COG5: variants seen among roughly 807,000 people sequenced by gnomAD.
COG5 encodes conserved oligomeric Golgi complex subunit 5.
In COG5, 86 loss-of-function variants were observed where a neutral mutation model predicts 110.4. The observed-to-expected ratio is 0.78, with a 90% CI of 0.65 to 0.93. The LOEUF (loss-of-function observed/expected upper bound fraction) is 0.93, where lower values mean the gene tolerates loss of function less well. Among genes scored for constraint, COG5 ranks in the 40% least tolerant of loss-of-function variants. The pLI is 0.00. For missense variants in COG5, 1,077 were observed against 987.0 expected, an observed-to-expected ratio of 1.09 and a Z score of -1.22; for synonymous variants, 360 against 334.6, an observed-to-expected ratio of 1.08 and a Z score of -0.83.
In COG5 at chr7:107,409,258, G is replaced by A. The variant is rs531564573; in HGVS notation, c.669+3244C>T. Among the ~76,000 whole-genome samples the A allele has an allele frequency of 4.1e-5, 6 of 147,672 alleles. No individual in the cohort carries two copies. The East Asian group carries it at 1.2e-3, about 29-fold the overall frequency. Reference sequence around the variant, plus strand: ...AAAAAAAAAAAAAAAGAAAACAGGAGAGATTGAGATAAAGAAACGAAGAGA... The same window carrying A: ...AAAAAAAAAAAAAAAGAAAACAGGAAAGATTGAGATAAAGAAACGAAGAGA... On this transcript the variant is annotated intron_variant, in intron 7 of 21. Transcript: ENST00000297135.
chr7:107,352,897 T>C (rs1021522156), intron 10 of COG5, among the ~76,000 whole-genome samples: 6 of 152,210 alleles, frequency 3.9e-5, no homozygotes, highest in African/African-American at 1.4e-4. Flanking sequence ...GGCTTAATCC[T>C]GCAAATAAGA....
intron 6 of COG5, among the ~76,000 whole-genome samples, chr7:107,439,192 C>T (rs1169092137): frequency 1.3e-5 from 2 of 152,176 alleles, no homozygotes; most frequent in Non-Finnish European, 2.9e-5. Context: ...ATGCTCCCTT[C>T]ACTCTCTTAC....
At chr7:107,362,537 A>C (rs1252327410) in intron 8 of COG5, 117 bp from the exon 9 acceptor site, 2 of 699,338 alleles carry the variant, frequency 2.9e-6, no homozygotes, top group African/African-American at 1.8e-5. Flanking sequence ...CTTCTTTAGG[A>C]AATAATTTAT....
intron 10 of COG5, 53 bp from the exon 11 acceptor site, chr7:107,324,574 A>C: frequency 9.4e-7 from 1 of 1,067,826 alleles, no homozygotes; most frequent in Non-Finnish European, 1.4e-6. Context: ...ATTTATTTTA[A>C]GAAATCATAA....
At position 107,362,355 on chromosome 7, in the gene COG5, T is replaced by C; in HGVS notation, c.901A>G (p.Thr301Ala). ...TGATCCATAAGTTTCTCCATATTGG[T>C]CCAGAATGAGGCACGCAAAGCTGCA... Reference protein sequence around the residue: ...NTAALRASFWTNMEKLMDHIY... With the variant: ...NTAALRASFWANMEKLMDHIY... The change falls in exon 9 of 22, where the codon ACC becomes GCC. Residue 301 changes from threonine to alanine, a missense_variant. By Grantham distance (58) the Thr-to-Ala change is moderately conservative. Coordinates refer to ENST00000297135, the MANE Select transcript of COG5 (RefSeq NM_006348.5). 1 of 1,613,906 alleles carries C rather than the reference T, an allele frequency of 6.2e-7. No individual in the cohort carries two copies. Among genetic ancestry groups the C allele is most frequent in the African/African-American group, 1.3e-5 (1 of 75,020 alleles).
In COG5 at chr7:107,208,728, A is replaced by G. The variant is rs371147367; in HGVS notation, c.2375+1798T>C. The G allele has an allele frequency of 9.1e-6, 9 of 985,426 alleles. No homozygotes were observed. In the African/African-American group the frequency reaches 1.0e-4, roughly 11 times the overall value. 61.0% of individuals were successfully genotyped at this position (985,426 alleles called of 1,614,324 possible). A position where few individuals can be genotyped will look rare whatever the true frequency, so the allele number is the denominator to read the frequency against. On this transcript the variant is annotated intron_variant, in intron 21 of 21. Transcript: ENST00000297135. ...GAGTAACAGATAAGCAAGGAAAAAG[A>G]GCAGGGTCCGAGCTAATCTTTATCC...
Position 107,203,374 on chromosome 7 carries a change from G to A in COG5, c.*142C>T, listed in dbSNP as rs1798498771. On this transcript the variant is annotated 3_prime_UTR_variant, in exon 22 of 22. Coordinates refer to ENST00000297135, the MANE Select transcript of COG5 (RefSeq NM_006348.5). ...ATGCTAAAGTATAAGTGCTAAAGAG[G>A]TAAATAAACGTCGATAGGAAATACC... 2.8e-6 allele frequency: 2 copies of A among 702,676 alleles called. No individual in the cohort carries two copies. The highest frequency in any genetic ancestry group is 1.5e-5 in the South Asian group (1 of 66,014). 43.5% of individuals were successfully genotyped at this position (702,676 alleles called of 1,614,324 possible).
chr7:107,377,191 A>T (rs1225337261), intron 7 of COG5, among the ~76,000 whole-genome samples: 2 of 152,120 alleles, frequency 1.3e-5, no homozygotes, highest in Admixed American at 1.3e-4. Context: ...AGTGAAGCTG[A>T]TTGGCCTTGG....
chr7:107,233,276 C>G (rs993272408), intron 18 of COG5, among the ~76,000 whole-genome samples: 2 of 152,134 alleles, frequency 1.3e-5, no homozygotes, highest in African/African-American at 4.8e-5. Context: ...CAGCAGAACC[C>G]CAGTGTCGTG....
At chr7:107,385,652 A>G (rs1277873459) in intron 7 of COG5, among the ~76,000 whole-genome samples, 6 of 152,220 alleles carry the variant, frequency 3.9e-5, no homozygotes, top group African/African-American at 1.4e-4. Flanking sequence ...AGGTACCTGT[A>G]GTGGTCAGAT....
At chr7:107,526,802 T>G (rs1264371561) in intron 6 of COG5, among the ~76,000 whole-genome samples, 1 of 152,196 alleles carries the variant, frequency 6.6e-6, no homozygotes, top group Non-Finnish European at 1.5e-5. Context: ...TCACCTACTT[T>G]GTAATTCCAT....
intron 14 of COG5, among the ~76,000 whole-genome samples, chr7:107,265,164 G>C (rs776041233): frequency 2.0e-5 from 3 of 152,126 alleles, no homozygotes; most frequent in Non-Finnish European, 4.4e-5. Context: ...AAGATAATAC[G>C]ACAAGATAAA....
At chr7:107,268,884 A>G (rs1804016875) in intron 14 of COG5, among the ~76,000 whole-genome samples, 1 of 152,198 alleles carries the variant, frequency 6.6e-6, no homozygotes, top group Admixed American at 6.5e-5. Flanking sequence ...TATTTTAGGT[A>G]TGTCACACGA....
chr7:107,488,306 G>A (rs1307166199), intron 6 of COG5, among the ~76,000 whole-genome samples: 3 of 151,688 alleles, frequency 2.0e-5, no homozygotes, highest in East Asian at 3.8e-4. Flanking sequence ...AATAGAGCCT[G>A]TGAAAATAAA....
intron 11 of COG5, among the ~76,000 whole-genome samples, chr7:107,312,407 AT>A (rs967730804): frequency 2.0e-5 from 3 of 152,188 alleles, no homozygotes; most frequent in African/African-American, 7.2e-5. Flanking sequence ...ATGAGCCATT[AT>A]AATGCAGTGG....
chr7:107,246,759 T>C (rs1030268881), intron 17 of COG5, among the ~76,000 whole-genome samples: 3 of 152,196 alleles, frequency 2.0e-5, no homozygotes, highest in East Asian at 1.9e-4. Context: ...GGAACACTTA[T>C]ACGCTGTGGT....
At chr7:107,243,104 T>C (rs1050001885) in intron 17 of COG5, among the ~76,000 whole-genome samples, 2 of 151,874 alleles carry the variant, frequency 1.3e-5, no homozygotes, top group African/African-American at 2.4e-5. Flanking sequence ...AAAAGACAAA[T>C]AAGGACACTA....
chr7:107,490,903 A>T (rs1797937293), intron 6 of COG5, among the ~76,000 whole-genome samples: 1 of 152,128 alleles, frequency 6.6e-6, no homozygotes. Flanking sequence ...TATTACTTTG[A>T]TGGAAAAAAT....
intron 5 of COG5, 53 bp from the exon 6 acceptor site, chr7:107,527,410 T>C (rs1800852873): frequency 6.3e-7 from 1 of 1,594,698 alleles, no homozygotes; most frequent in African/African-American, 1.3e-5. Flanking sequence ...TTTATTACTA[T>C]TAATAAATAG....
Sources: gnomAD v4.1 joint callset for allele counts (sites outside exome capture counted in the v4.1 genomes callset) on GRCh38, gnomAD v4.1.1 for gene constraint, MANE v1.5 for transcripts, NCBI Gene and HGNC (gene_info 2026-07-23, HGNC 2026-07-21) for gene names.